The following ZNF30 variants were observed in gnomAD, a reference collection of about 807,000 sequenced individuals.
ZNF30 encodes the protein zinc finger protein 30 (KOX 28).
ZNF30 carries 15 observed loss-of-function variants against 13.2 expected under a neutral mutation model. The observed-to-expected ratio is 1.13, with a 90% CI of 0.76 to 1.75. The LOEUF (loss-of-function observed/expected upper bound fraction) is 1.75, where lower values mean the gene tolerates loss of function less well. Among genes scored for constraint, ZNF30 ranks in the 40% most tolerant of loss-of-function variants. The pLI, the probability that ZNF30 is intolerant of heterozygous loss-of-function variation, is 0.00. For synonymous variants in ZNF30, 223 were observed against 256.6 expected (o/e 0.87, Z 1.25); for missense variants, 726 against 757.0 (o/e 0.96, Z 0.48).
intron 1 of ZNF30, among the ~76,000 whole-genome samples, chr19:34,928,220 A>AAAAAATAT (rs1555778254): frequency 9.1e-4 from 67 of 73,382 alleles, no homozygotes; most frequent in Non-Finnish European, 1.1e-3. Context: ...AAAAAAAAAA[A>AAAAAATAT]ATATATATAT....
intron 1 of ZNF30, among the ~76,000 whole-genome samples, chr19:34,928,250 TATATAG>T (rs1325655446): frequency 1.1e-3 from 61 of 53,420 alleles, no homozygotes; most frequent in East Asian, 6.4e-3. Flanking sequence ...TATATATATA[TATATAG>T]ATAGATAGAT....
rs745916041 is a variant in ZNF30 at position 34,944,893 on chromosome 19, C to G, written c.*55C>G. Reference sequence around the variant, plus strand: ...GTGTGGCTCAAACATTGTTGAACATCGGGGAATTTATGCTGGTAGGAAACT... The same window carrying G: ...GTGTGGCTCAAACATTGTTGAACATGGGGGAATTTATGCTGGTAGGAAACT... On this transcript the variant is annotated 3_prime_UTR_variant, in exon 5 of 5. Transcript: ENST00000601142. 2 of 1,468,308 alleles carry G rather than the reference C, an allele frequency of 1.4e-6. No individual in the cohort carries two copies. Among genetic ancestry groups the G allele is most frequent in the East Asian group, 2.3e-5 (1 of 43,322 alleles). 91.0% of individuals were successfully genotyped at this position (1,468,308 alleles called of 1,614,324 possible). A position where few individuals can be genotyped will look rare whatever the true frequency, so the allele number is the denominator to read the frequency against.
intron 2 of ZNF30, among the ~76,000 whole-genome samples, chr19:34,930,252 C>T (rs2012376405): frequency 6.6e-6 from 1 of 152,214 alleles, no homozygotes; most frequent in Non-Finnish European, 1.5e-5. Flanking sequence ...GAGCTTCCTA[C>T]ATCCATCTGT....
rs752552422 is a variant in ZNF30, at chr19:34,943,244, C to T, written c.278C>T (p.Thr93Ile). The change falls in exon 5 of 5, where the codon ACA (threonine) becomes ATA (isoleucine). Residue 93 changes from threonine to isoleucine, a missense_variant. By Grantham distance (89) the Thr-to-Ile change is moderately conservative. Transcript: ENST00000601142. The part of the protein sequence containing the change: ...WCTDLQLEDD[T>I]IGCKEMPTSE... ...TCAGATTTGCAGTTGGAAGATGATA[C>T]AATCGGCTGTAAAGAAATGCCCACC... The T allele has an allele frequency of 3.2e-6, 5 of 1,578,434 alleles. No homozygotes were observed. The highest frequency in any genetic ancestry group is 4.3e-6 in the Non-Finnish European group (5 of 1,161,966).
At chr19:34,942,686 G>T (rs1196222476) in intron 4 of ZNF30, 2 of 1,269,552 alleles carry the variant, frequency 1.6e-6, no homozygotes, top group Admixed American at 2.3e-5. Flanking sequence ...GAGAAAATTT[G>T]TAAGAACGTC....
chr19:34,930,140 C>G (rs1165904022), intron 2 of ZNF30, among the ~76,000 whole-genome samples, 184 bp downstream of exon 2: 1 of 152,150 alleles, frequency 6.6e-6, no homozygotes, highest in Non-Finnish European at 1.5e-5. Flanking sequence ...AATCGGTGTT[C>G]ATGAATTCAT....
Position 34,939,164 on chromosome 19 carries a change from CCTCCG to C in ZNF30, c.257-4054_257-4050del, listed in dbSNP as rs1447165925. On this transcript the variant is annotated intron_variant, in intron 4 of 4. Coordinates refer to ENST00000601142, the MANE Select transcript of ZNF30 (RefSeq NM_194325.3). The stretch of plus-strand genomic sequence containing the variant: ...CCCCTCCCCTCCCCTCCCTCCCCTC[CCTCCG>C]CTCCCCTCCCTCCCCTATCCTCTTT... 7.8e-3 allele frequency among the ~76,000 whole-genome samples: 625 copies of C among 80,048 alleles called. 19 individuals carry two copies. Among genetic ancestry groups the C allele is most frequent in the African/African-American group, 0.038 (566 of 14,970 alleles). The allele number at this position is 80,048 out of a possible 152,430, so 52.5% of individuals were successfully genotyped here. A position where few individuals can be genotyped will look rare whatever the true frequency, so the allele number is the denominator to read the frequency against.
Position 34,927,139 on chromosome 19 carries a change from A to G in ZNF30, c.-142A>G. ...GAGGTTGGAGCAGCCCCGCCGGGCA[A>G]CTTGAATTTCTGCAAACGAACACAG... On this transcript the variant is annotated 5_prime_UTR_variant, in exon 1 of 5. Transcript: ENST00000601142. 2.5e-6 allele frequency: 1 copy of G among 394,752 alleles called. No homozygotes were observed. The highest frequency in any genetic ancestry group is 4.5e-6 in the Non-Finnish European group (1 of 223,878). The allele number at this position is 394,752 out of a possible 1,614,324, so 24.5% of individuals were successfully genotyped here.
At position 34,927,233 on chromosome 19, in the gene ZNF30, C is replaced by T; in HGVS notation, c.-65+17C>T. 1 of 378,388 alleles carries T rather than the reference C, an allele frequency of 2.6e-6. No individual in the cohort carries two copies. Among genetic ancestry groups the T allele is most frequent in the Non-Finnish European group, 4.7e-6 (1 of 213,804 alleles). The allele number at this position is 378,388 out of a possible 1,614,324, so 23.4% of individuals were successfully genotyped here. A position where few individuals can be genotyped will look rare whatever the true frequency, so the allele number is the denominator to read the frequency against. ...GAGACATGCGTGAGCGTTGGGTGGA[C>T]CGGGCGAGGATCCCGGGCCGGCGAG... On this transcript the variant is annotated intron_variant, in intron 1 of 4. Coordinates refer to ENST00000601142, the MANE Select transcript of ZNF30 (RefSeq NM_194325.3).
intron 4 of ZNF30, chr19:34,942,521 T>G: frequency 3.1e-6 from 2 of 636,358 alleles, no homozygotes; most frequent in Non-Finnish European, 2.2e-6. Flanking sequence ...AGTAAAGACA[T>G]GGACGTCCTT....
At chr19:34,939,167 C>T (rs1481468856) in intron 4 of ZNF30, among the ~76,000 whole-genome samples, 4 of 74,808 alleles carry the variant, frequency 5.3e-5, no homozygotes, top group African/African-American at 1.5e-4. Context: ...TCCCCTCCCT[C>T]CGCTCCCCTC....
chr19:34,938,913 T>C (rs766965908), intron 4 of ZNF30, among the ~76,000 whole-genome samples: 3 of 152,146 alleles, frequency 2.0e-5, no homozygotes, highest in South Asian at 2.1e-4. Context: ...ACCAGGTGAG[T>C]TGGCGAGCTG....
chr19:34,937,475 A>G (rs1389672254), intron 4 of ZNF30, among the ~76,000 whole-genome samples: 1 of 152,152 alleles, frequency 6.6e-6, no homozygotes, highest in East Asian at 1.9e-4. Flanking sequence ...TTATTCCTAT[A>G]ATCCCAACAC....
At position 34,944,591 on chromosome 19, in the gene ZNF30, G is replaced by C. The variant is rs750009292; in HGVS notation, c.1625G>C (p.Cys542Ser). ...RIHTGEKPYE[C>S]NKCGKAFTVY... ...CATACTGGGGAGAAACCCTATGAAT[G>C]TAACAAATGTGGGAAAGCCTTTACT... Residue 542 changes from cysteine to serine, a missense_variant, in exon 5 of 5, where the codon TGT becomes TCT. Coordinates refer to ENST00000601142, the MANE Select transcript of ZNF30 (RefSeq NM_194325.3). The C allele has an allele frequency of 6.2e-7, 1 of 1,614,112 alleles. No individual in the cohort carries two copies. The highest frequency in any genetic ancestry group is 8.5e-7 in the Non-Finnish European group (1 of 1,179,996).
At position 34,943,335 on chromosome 19, in the gene ZNF30, G is replaced by A. The variant is rs185514684; in HGVS notation, c.369G>A (p.Gln123=). The A allele has an allele frequency of 6.5e-3, 10,508 of 1,613,860 alleles. 105 individuals carry two copies. Among genetic ancestry groups the A allele is most frequent in the Middle Eastern group, 0.038 (233 of 6,062 alleles). The change falls in exon 5 of 5, where the codon CAG becomes CAA. Residue 123 remains glutamine (Q), a synonymous_variant. Transcript: ENST00000601142. ...KISRQKPREC[Q]EYGKTLCQDS... Reference sequence around the variant, plus strand: ...GTAGACAGAAACCACGTGAATGTCAGGAATATGGAAAGACCCTTTGTCAAG... The same window carrying A: ...GTAGACAGAAACCACGTGAATGTCAAGAATATGGAAAGACCCTTTGTCAAG...
intron 4 of ZNF30, among the ~76,000 whole-genome samples, chr19:34,938,984 G>T (rs1453300618): frequency 3.9e-5 from 6 of 152,232 alleles, no homozygotes; most frequent in East Asian, 3.9e-4. Context: ...AATTCCACGG[G>T]CATGGTTTCC....
rs745916041 is a variant in ZNF30, at chr19:34,944,893, C to T, written c.*55C>T. ...GTGTGGCTCAAACATTGTTGAACAT[C>T]GGGGAATTTATGCTGGTAGGAAACT... is the stretch of plus-strand genomic sequence containing the variant. On this transcript the variant is annotated 3_prime_UTR_variant, in exon 5 of 5. Transcript: ENST00000601142. 55 of 1,468,426 alleles carry T rather than the reference C, an allele frequency of 3.7e-5. 1 individual carries two copies. Among genetic ancestry groups the T allele is most frequent in the East Asian group, 2.3e-4 (10 of 43,310 alleles). 91.0% of individuals were successfully genotyped at this position (1,468,426 alleles called of 1,614,324 possible).
chr19:34,939,895 G>A (rs1312847674), intron 4 of ZNF30, among the ~76,000 whole-genome samples: 1 of 152,138 alleles, frequency 6.6e-6, no homozygotes, highest in Non-Finnish European at 1.5e-5. Flanking sequence ...TCTTACACAT[G>A]ATTCTTACTG....
At chr19:34,925,342 G>A (rs1417216626), upstream of ZNF30, among the ~76,000 whole-genome samples, 1 of 152,222 alleles carries the variant, frequency 6.6e-6, no homozygotes, top group African/African-American at 2.4e-5. Flanking sequence ...GATGACTGCA[G>A]GGTTTTGAGT....
Sources: gnomAD v4.1 joint callset for allele counts (sites outside exome capture counted in the v4.1 genomes callset) on GRCh38, gnomAD v4.1.1 for gene constraint, MANE v1.5 for transcripts, NCBI Gene and HGNC (gene_info 2026-07-23, HGNC 2026-07-21) for gene names.